Variants in CPS1 observed in about 807,000 individuals in gnomAD.
CPS1 encodes carbamoyl-phosphate synthase [ammonia], mitochondrial.
A neutral mutation model predicts 174.6 loss-of-function variants in CPS1; 109 were observed. The ratio of observed to expected loss-of-function variants is 0.62; its 90% CI spans 0.53 to 0.73. The LOEUF (loss-of-function observed/expected upper bound fraction) is 0.73, where lower values mean the gene tolerates loss of function less well. Among genes scored for constraint, CPS1 ranks in the 30% least tolerant of loss-of-function variants. The pLI, the probability that CPS1 is intolerant of heterozygous loss-of-function variation, is 0.00. For missense variants in CPS1, 1,689 were observed against 1,821.9 expected, an observed-to-expected ratio of 0.93 and a Z score of 1.33; for synonymous variants, 637 against 632.0, an observed-to-expected ratio of 1.01 and a Z score of -0.12.
At chr2:210,547,741 A>G (rs1696601560) in intron 1 of CPS1, among the ~76,000 whole-genome samples, 1 of 152,006 alleles carries the variant, frequency 6.6e-6, no homozygotes, top group Admixed American at 6.6e-5. Context: ...ACTTATTTTT[A>G]TTTGTCATTT....
At chr2:210,584,589 A>T (rs1317268067) in intron 6 of CPS1, among the ~76,000 whole-genome samples, 1 of 152,110 alleles carries the variant, frequency 6.6e-6, no homozygotes, top group East Asian at 1.9e-4. Context: ...CAAGGAAAAT[A>T]ATAACAACCA....
At chr2:210,485,508 T>C (rs1694691863) in intron 1 of CPS1, among the ~76,000 whole-genome samples, 1 of 152,198 alleles carries the variant, frequency 6.6e-6, no homozygotes, top group Admixed American at 6.5e-5. Context: ...CTGCATTTTC[T>C]AGAATTTTGA....
intron 25 of CPS1, among the ~76,000 whole-genome samples, chr2:210,644,647 C>T (rs982716666): frequency 5.9e-5 from 9 of 152,118 alleles, no homozygotes; most frequent in Non-Finnish European, 1.5e-5. Flanking sequence ...AAAATTTTCT[C>T]ACATGACATT....
At chr2:210,557,470 G>T (rs886910509) in intron 1 of CPS1, among the ~76,000 whole-genome samples, 6 of 151,850 alleles carry the variant, frequency 4.0e-5, no homozygotes, top group African/African-American at 1.5e-4. Context: ...TGATAATTCT[G>T]TCCCTCCACA....
At chr2:210,547,071 T>C (rs2106020923) in intron 1 of CPS1, among the ~76,000 whole-genome samples, 1 of 152,216 alleles carries the variant, frequency 6.6e-6, no homozygotes, top group Middle Eastern at 3.4e-3. Context: ...AGAGCCATCT[T>C]GGCCTGTTAC....
At chr2:210,587,959 A>T in intron 6 of CPS1, 99 bp from the exon 7 acceptor site, 1 of 1,045,066 alleles carries the variant, frequency 9.6e-7, no homozygotes, top group Non-Finnish European at 1.5e-6. Flanking sequence ...TCAATCTGTT[A>T]CCAATCTAAG....
chr2:210,639,116 CTTAT>C (rs1485417575), intron 22 of CPS1, 30 bp from the exon 23 acceptor site: 10 of 1,548,708 alleles, frequency 6.5e-6, no homozygotes, highest in Non-Finnish European at 8.9e-6. Context: ...TAATAACATT[CTTAT>C]TTGTTTATTT....
chr2:210,674,476 AAAAAAACC>A (rs1238861232), intron 34 of CPS1: 51 of 147,682 alleles, frequency 3.5e-4, no homozygotes, highest in South Asian at 9.1e-4. Flanking sequence ...CATCTCAAAA[AAAAAAACC>A]AAAAAAAAAA....
intron 1 of CPS1, among the ~76,000 whole-genome samples, chr2:210,482,195 C>A (rs576746666): frequency 2.0e-5 from 3 of 152,194 alleles, no homozygotes; most frequent in African/African-American, 7.2e-5. Flanking sequence ...AATTCTCATA[C>A]ATTGTATCAG....
At chr2:210,632,140 A>C (rs1445380507) in intron 21 of CPS1, among the ~76,000 whole-genome samples, 1 of 152,222 alleles carries the variant, frequency 6.6e-6, no homozygotes, top group Non-Finnish European at 1.5e-5. Context: ...AGAAAAATAA[A>C]AATGTTATAG....
intron 6 of CPS1, among the ~76,000 whole-genome samples, chr2:210,584,273 T>C (rs1698029452): frequency 6.6e-6 from 1 of 152,126 alleles, no homozygotes; most frequent in Non-Finnish European, 1.5e-5. Flanking sequence ...AGCTATTGGC[T>C]GGTTCTACCT....
At chr2:210,569,218 G>C (rs888902497) in intron 1 of CPS1, among the ~76,000 whole-genome samples, 4 of 151,874 alleles carry the variant, frequency 2.6e-5, no homozygotes, top group Admixed American at 2.6e-4. Context: ...ATCACTAGAT[G>C]GTATGTTAAA....
rs73073508 is a variant in CPS1, at chr2:210,512,294, G to C, written c.3+34528G>C. Among the ~76,000 whole-genome samples, 1,344 of 151,842 alleles carry C rather than the reference G, an allele frequency of 8.9e-3. 27 individuals carry two copies. Among genetic ancestry groups the C allele is most frequent in the African/African-American group, 0.03 (1,243 of 41,460 alleles). On this transcript the variant is annotated intron_variant, in intron 1 of 38. Coordinates refer to the CPS1 transcript ENST00000430249. ...TGATGCCAAGGTTTGGGATACAAAT[G>C]ATACCATCACCCAGATAGTGGGCAT...
At position 210,518,568 on chromosome 2, in the gene CPS1, G is replaced by A. The variant is rs528310337; in HGVS notation, c.4-38151G>A. Among the ~76,000 whole-genome samples the A allele has an allele frequency of 1.4e-4, 22 of 152,084 alleles. No homozygotes were observed. The South Asian group carries it at 4.6e-3, about 32-fold the overall frequency. On this transcript the variant is annotated intron_variant, in intron 1 of 38. Transcript: ENST00000430249. ...TGACTGGAATACAGATATGATGGCTGAGGCACCAGCAGCCATGTTGGACCT... is the reference window on the plus strand; with the variant it reads ...TGACTGGAATACAGATATGATGGCTAAGGCACCAGCAGCCATGTTGGACCT...
intron 21 of CPS1, among the ~76,000 whole-genome samples, chr2:210,634,406 G>C (rs1476837315): frequency 6.6e-6 from 1 of 152,166 alleles, no homozygotes; most frequent in African/African-American, 2.4e-5. Context: ...CTTCAGCCTG[G>C]GCGACAGAGC....
intron 1 of CPS1, among the ~76,000 whole-genome samples, chr2:210,535,010 C>A (rs1218202772): frequency 6.6e-6 from 1 of 152,160 alleles, no homozygotes; most frequent in African/African-American, 2.4e-5. Flanking sequence ...GCCTAGGCCT[C>A]TGGACTACAT....
At chr2:210,599,670 C>A in intron 14 of CPS1, 109 bp downstream of exon 14, 5 of 1,219,976 alleles carry the variant, frequency 4.1e-6, no homozygotes, top group Non-Finnish European at 6.0e-6. Flanking sequence ...TAAAACCTTT[C>A]CTCTACTGTG....
intron 1 of CPS1, among the ~76,000 whole-genome samples, chr2:210,502,387 A>T (rs948963389): frequency 1.6e-4 from 24 of 146,638 alleles, no homozygotes; most frequent in African/African-American, 5.4e-4. Context: ...ATATTTTTTT[A>T]TATATATGTA....
upstream of CPS1, among the ~76,000 whole-genome samples, chr2:210,554,597 C>T (rs1696842117): frequency 6.6e-6 from 1 of 151,686 alleles, no homozygotes; most frequent in Admixed American, 6.6e-5. Flanking sequence ...GCATGGGTAC[C>T]TTAGGGTAAT....
Sources: allele counts gnomAD v4.1 joint callset (sites outside exome capture counted in the v4.1 genomes callset), GRCh38; gene constraint gnomAD v4.1.1; transcripts MANE v1.5; gene names NCBI Gene and HGNC (gene_info 2026-07-23, HGNC 2026-07-21).